PDE11A: variants seen among roughly 807,000 people sequenced by gnomAD.
The protein encoded by PDE11A is phosphodiesterase 11A, also known as dual 3',5'-cyclic-AMP and -GMP phosphodiesterase 11A.
In PDE11A, 100 loss-of-function variants were observed where a neutral mutation model predicts 100.5. The observed-to-expected ratio is 1.00, with a 90% CI of 0.85 to 1.18. The LOEUF (loss-of-function observed/expected upper bound fraction) is 1.18, where lower values mean the gene tolerates loss of function less well. Ranked by LOEUF, PDE11A falls within the 50% of genes most tolerant of loss-of-function variation. The probability of loss-of-function intolerance (pLI) is 0.00; values close to 1 mark genes in which losing one functional copy is unlikely to be tolerated. For missense variants in PDE11A, 1,141 were observed against 1,152.6 expected (o/e 0.99, Z 0.15); for synonymous variants, 381 against 420.8 (o/e 0.91, Z 1.16).
At chr2:178,099,964 A>G (rs560243761) in intron 2 of PDE11A, among the ~76,000 whole-genome samples, 2 of 152,336 alleles carry the variant, frequency 1.3e-5, no homozygotes, top group South Asian at 4.1e-4. Flanking sequence ...TATAACATAA[A>G]TGAACCTTGA....
chr2:177,979,107 C>T (rs2085846190), intron 2 of PDE11A, among the ~76,000 whole-genome samples: 1 of 147,366 alleles, frequency 6.8e-6, no homozygotes. Flanking sequence ...AAGAAAATGG[C>T]TTACATGAAT....
chr2:178,056,750 TATG>T, intron 1 of PDE11A, among the ~76,000 whole-genome samples: 1 of 152,294 alleles, frequency 6.6e-6, no homozygotes, highest in Non-Finnish European at 1.5e-5. Flanking sequence ...GATTTAAAAA[TATG>T]ATTGTAAAAT....
At chr2:177,796,679 G>C (rs1052023607) in intron 9 of PDE11A, among the ~76,000 whole-genome samples, 2 of 152,160 alleles carry the variant, frequency 1.3e-5, no homozygotes, top group Non-Finnish European at 2.9e-5. Context: ...GCACTATCAA[G>C]ATACTGAGCA....
At chr2:177,899,408 AAAACAAAC>A (rs552260331) in intron 3 of PDE11A, 2 of 188,688 alleles carry the variant, frequency 1.1e-5, no homozygotes, top group Admixed American at 6.4e-5. Context: ...CTCTTTCTAA[AAAACAAAC>A]AAACAAACAA....
intron 10 of PDE11A, among the ~76,000 whole-genome samples, chr2:177,749,665 C>T (rs964818119): frequency 6.6e-6 from 1 of 152,048 alleles, no homozygotes; most frequent in African/African-American, 2.4e-5. Context: ...ATTAAGATAA[C>T]ACATGTAATC....
chr2:177,823,750 A>C (rs936956704), intron 6 of PDE11A, among the ~76,000 whole-genome samples: 1 of 152,206 alleles, frequency 6.6e-6, no homozygotes, highest in African/African-American at 2.4e-5. Flanking sequence ...GGTATAATCT[A>C]CAGACTTAGG....
chr2:177,889,832 A>G (rs2084501577), intron 4 of PDE11A, among the ~76,000 whole-genome samples: 1 of 150,084 alleles, frequency 6.7e-6, no homozygotes, highest in Admixed American at 6.6e-5. Context: ...AGATCTTATT[A>G]TTTTTTATCT....
intron 9 of PDE11A, among the ~76,000 whole-genome samples, chr2:177,793,765 C>T (rs1293885538): frequency 6.6e-6 from 1 of 152,070 alleles, no homozygotes; most frequent in Non-Finnish European, 1.5e-5. Flanking sequence ...GCTCACACTG[C>T]GGCAGTACAG....
intron 1 of PDE11A, among the ~76,000 whole-genome samples, chr2:178,016,663 CA>C (rs879433311): frequency 2.0e-5 from 3 of 152,002 alleles, no homozygotes; most frequent in Non-Finnish European, 4.4e-5. Flanking sequence ...AGTTCTCTCT[CA>C]AAACAGAACA....
At chr2:178,104,541 G>T in intron 1 of PDE11A, 3 of 1,370,054 alleles carry the variant, frequency 2.2e-6, no homozygotes, top group Admixed American at 1.8e-5. Flanking sequence ...AAGCCGGGGA[G>T]AAAAAAGAAT....
At chr2:177,965,614 A>C (rs2085688755) in intron 2 of PDE11A, among the ~76,000 whole-genome samples, 1 of 152,146 alleles carries the variant, frequency 6.6e-6, no homozygotes, top group Non-Finnish European at 1.5e-5. Flanking sequence ...TATTGAATAG[A>C]CAGTCCTTTC....
intron 2 of PDE11A, among the ~76,000 whole-genome samples, chr2:177,946,132 G>A (rs1332046463): frequency 1.9e-5 from 2 of 105,258 alleles, no homozygotes; most frequent in African/African-American, 3.8e-5. Flanking sequence ...CCGGCCAGCC[G>A]CCCCGTCTGG....
At chr2:177,859,097 G>A (rs192762448) in intron 5 of PDE11A, among the ~76,000 whole-genome samples, 1 of 151,796 alleles carries the variant, frequency 6.6e-6, no homozygotes, top group African/African-American at 2.4e-5. Context: ...GGCCTGTCGT[G>A]GGGTGGGGGG....
intron 5 of PDE11A, among the ~76,000 whole-genome samples, chr2:177,855,596 G>A (rs1311529102): frequency 6.6e-6 from 1 of 151,984 alleles, no homozygotes; most frequent in Non-Finnish European, 1.5e-5. Context: ...CTCCCCAAAA[G>A]CTCTATCCCC....
At chr2:177,892,837 C>T (rs2084551817) in intron 4 of PDE11A, among the ~76,000 whole-genome samples, 1 of 152,248 alleles carries the variant, frequency 6.6e-6, no homozygotes. Flanking sequence ...GACAGCCAGG[C>T]TTCTTCAGGC....
In PDE11A at chr2:178,014,429, A is replaced by C. The variant is rs2086309159; in HGVS notation, c.944T>G (p.Leu315Arg). ...DRRFNDEIDK[L>R]TGYKTKSLLC... Reference sequence around the variant, plus strand: ...TAATGATTTTGTCTTGTATCCAGTTAGCTTGTCGATTTCATCATTGAATCG... The same window carrying C: ...TAATGATTTTGTCTTGTATCCAGTTCGCTTGTCGATTTCATCATTGAATCG... The change falls in exon 2 of 20, where the codon CTA becomes CGA. Residue 315 changes from leucine (L) to arginine (R), a missense_variant. Leu to Arg is a moderately radical substitution (Grantham distance 102). Coordinates refer to ENST00000286063, the MANE Select transcript of PDE11A (RefSeq NM_016953.4). 1.5e-5 allele frequency: 25 copies of C among 1,613,386 alleles called. No homozygotes were observed. The highest frequency in any genetic ancestry group is 2.0e-5 in the Non-Finnish European group (24 of 1,179,392).
At chr2:177,998,985 T>G (rs1038236978) in intron 2 of PDE11A, among the ~76,000 whole-genome samples, 6 of 152,182 alleles carry the variant, frequency 3.9e-5, no homozygotes, top group Non-Finnish European at 5.9e-5. Context: ...CAAAATGTAT[T>G]TTCAGTCTCA....
At chr2:177,862,886 G>A (rs568328768) in intron 5 of PDE11A, among the ~76,000 whole-genome samples, 1 of 151,842 alleles carries the variant, frequency 6.6e-6, no homozygotes, top group South Asian at 2.1e-4. Context: ...ACAATACTGA[G>A]AAAGACAAAC....
intron 9 of PDE11A, among the ~76,000 whole-genome samples, chr2:177,815,668 C>T (rs2083026324): frequency 6.6e-6 from 1 of 152,054 alleles, no homozygotes; most frequent in Non-Finnish European, 1.5e-5. Context: ...TTCTAGAATC[C>T]ATGATTTAGC....
Sources: gnomAD v4.1 joint callset for allele counts (sites outside exome capture counted in the v4.1 genomes callset) on GRCh38, gnomAD v4.1.1 for gene constraint, MANE v1.5 for transcripts, NCBI Gene and HGNC (gene_info 2026-07-23, HGNC 2026-07-21) for gene names.